GATA3: variants seen among roughly 807,000 people sequenced by gnomAD.
The protein encoded by GATA3 is GATA binding protein 3.
A neutral mutation model predicts 36.0 loss-of-function variants in GATA3; 6 were observed. That is an observed-to-expected ratio of 0.17 (90% CI 0.09 to 0.33). The LOEUF (loss-of-function observed/expected upper bound fraction) is 0.33. Among genes scored for constraint, GATA3 ranks in the 10% least tolerant of loss-of-function variants. The probability of loss-of-function intolerance (pLI) is 1.00; values close to 1 mark genes in which losing one functional copy is unlikely to be tolerated. For missense variants in GATA3, 514 were observed against 610.1 expected, an observed-to-expected ratio of 0.84 and a Z score of 1.66; for synonymous variants, 326 against 273.0, an observed-to-expected ratio of 1.19 and a Z score of -1.92.
chr10:8,068,572 T>TA (rs1832881946), intron 4 of GATA3, among the ~76,000 whole-genome samples: 1 of 152,112 alleles, frequency 6.6e-6, no homozygotes, highest in Non-Finnish European at 1.5e-5. Flanking sequence ...GCCAACATAG[T>TA]AAAACCCTGT....
In GATA3 at chr10:8,055,830, C is replaced by T. The variant is rs1832624968; in HGVS notation, c.175C>T (p.His59Tyr). 6.3e-6 allele frequency: 10 copies of T among 1,587,720 alleles called. No individual in the cohort carries two copies. The highest frequency in any genetic ancestry group is 8.6e-6 in the Non-Finnish European group (10 of 1,166,928). Residue 59 changes from histidine to tyrosine, a missense_variant, in exon 2 of 6, where the codon CAC becomes TAC. By Grantham distance (83) the His-to-Tyr change is moderately conservative (BLOSUM62 2). Around this residue, in one of 3 missense-constraint regions of GATA3, gnomAD observed 381 missense variants for 354.3 expected, o/e 1.08. Coordinates refer to ENST00000379328, the MANE Select transcript of GATA3 (RefSeq NM_001002295.2). This position sits in a 1 kb window ranked among gnomAD's most constrained non-coding sequence, Gnocchi z 5.4. The stretch of plus-strand genomic sequence containing the variant: ...TTTTAACATCGACGGTCAAGGCAAC[C>T]ACGTCCCGCCCTACTACGGAAACTC... The part of the protein sequence containing the change: ...VLFNIDGQGN[H>Y]VPPYYGNSVR...
At chr10:8,048,843 A>C (rs1352102205), upstream of GATA3, among the ~76,000 whole-genome samples, 1 of 149,864 alleles carries the variant, frequency 6.7e-6, no homozygotes, top group African/African-American at 2.5e-5. Context: ...ACCCCTACCT[A>C]CCCAATTTTT....
At chr10:8,073,144 C>CAAAAAAA (rs11335485) in intron 5 of GATA3, among the ~76,000 whole-genome samples, 1 of 69,978 alleles carries the variant, frequency 1.4e-5, no homozygotes, top group Non-Finnish European at 2.5e-5. Flanking sequence ...GACTTCGTCT[C>CAAAAAAA]AAAAAAAAAA....
intron 1 of GATA3, among the ~76,000 whole-genome samples, chr10:8,046,752 T>G (rs553429242): frequency 2.0e-5 from 3 of 151,558 alleles, no homozygotes; most frequent in African/African-American, 7.3e-5. Flanking sequence ...TTCTACCCAT[T>G]TGAACCCAGT....
chr10:8,054,545 G>C (rs11567883), upstream of GATA3: 1 of 152,086 alleles, frequency 6.6e-6, no homozygotes, highest in Non-Finnish European at 1.5e-5. The surrounding 1 kb of genome is among the most constrained non-coding windows in gnomAD (Gnocchi z 4.2). Context: ...GCGCGGGGCG[G>C]GGGGAGAAGT....
At chr10:8,053,890 C>T (rs1419478787), upstream of GATA3, 2 of 152,476 alleles carry the variant, frequency 1.3e-5, no homozygotes, top group Admixed American at 1.3e-4. This position sits in a 1 kb window ranked among gnomAD's most constrained non-coding sequence, Gnocchi z 5.1. Context: ...TAGAGCCAGT[C>T]TCTTCCTCCC....
intron 1 of GATA3, among the ~76,000 whole-genome samples, chr10:8,046,965 T>A (rs1246858828): frequency 6.6e-6 from 1 of 152,112 alleles, no homozygotes; most frequent in Non-Finnish European, 1.5e-5. Context: ...GGGCCCATCC[T>A]CCACTCTGCA....
intron 1 of GATA3, among the ~76,000 whole-genome samples, chr10:8,046,380 C>T (rs1384017394): frequency 6.6e-6 from 1 of 152,162 alleles, no homozygotes; most frequent in Non-Finnish European, 1.5e-5. Flanking sequence ...GGGGAAAGTG[C>T]GGCATCTCCC....
In GATA3 at chr10:8,055,830, C is replaced by A; in HGVS notation, c.175C>A (p.His59Asn). ...VLFNIDGQGN[H>N]VPPYYGNSVR... Reference sequence around the variant, plus strand: ...TTTTAACATCGACGGTCAAGGCAACCACGTCCCGCCCTACTACGGAAACTC... The same window carrying A: ...TTTTAACATCGACGGTCAAGGCAACAACGTCCCGCCCTACTACGGAAACTC... The change falls in exon 2 of 6, where the codon CAC becomes AAC. Residue 59 changes from histidine to asparagine, a missense_variant. His to Asn is a moderately conservative substitution (Grantham distance 68). Coordinates refer to ENST00000379328, the MANE Select transcript of GATA3 (RefSeq NM_001002295.2). This position sits in a 1 kb window ranked among gnomAD's most constrained non-coding sequence, Gnocchi z 5.4. The A allele has an allele frequency of 6.3e-7, 1 of 1,587,838 alleles. No individual in the cohort carries two copies. The highest frequency in any genetic ancestry group is 2.3e-5 in the East Asian group (1 of 43,464).
In GATA3 at chr10:8,055,910, G is replaced by T; in HGVS notation, c.241+14G>T. The T allele has an allele frequency of 1.3e-6, 2 of 1,552,294 alleles. No individual in the cohort carries two copies. Among genetic ancestry groups the T allele is most frequent in the African/African-American group, 2.7e-5 (2 of 73,266 alleles). ...CGACCCACCACGGTGAGTGCGCCCG[G>T]GGTGCCGGGGCTCCCGCCGGCCGCT... On this transcript the variant is annotated intron_variant, in intron 2 of 5. Coordinates refer to ENST00000379328, the MANE Select transcript of GATA3 (RefSeq NM_001002295.2). This position sits in a 1 kb window ranked among gnomAD's most constrained non-coding sequence, Gnocchi z 5.4.
rs1832616411 is a variant in GATA3, at chr10:8,055,601, C to T, written c.-55C>T. The T allele has an allele frequency of 3.3e-6, 5 of 1,533,916 alleles. No individual in the cohort carries two copies. The highest frequency in any genetic ancestry group is 3.5e-6 in the Non-Finnish European group (4 of 1,144,252). On this transcript the variant is annotated 5_prime_UTR_variant, in exon 2 of 6. Transcript: ENST00000379328. This position sits in a 1 kb window ranked among gnomAD's most constrained non-coding sequence, Gnocchi z 5.4. ...CCGACCTCCCAGGCGGACCGCCCTCCCTCCCCGCGCGCGGGTTCCGGGCCC... is the reference window on the plus strand; with the variant it reads ...CCGACCTCCCAGGCGGACCGCCCTCTCTCCCCGCGCGCGGGTTCCGGGCCC...
intron 5 of GATA3, among the ~76,000 whole-genome samples, chr10:8,070,777 G>T (rs922178682): frequency 6.6e-6 from 1 of 152,104 alleles, no homozygotes; most frequent in Non-Finnish European, 1.5e-5. Context: ...AGCCCTGTAC[G>T]CTCATTCCCT....
At chr10:8,048,961 C>T (rs1316708219), upstream of GATA3, among the ~76,000 whole-genome samples, 1 of 100,704 alleles carries the variant, frequency 9.9e-6, no homozygotes, top group African/African-American at 3.7e-5. Flanking sequence ...GGGCGGAGTG[C>T]GGGGGCGGGG....
At chr10:8,070,059 G>A (rs766231754) in intron 5 of GATA3, among the ~76,000 whole-genome samples, 3 of 152,138 alleles carry the variant, frequency 2.0e-5, no homozygotes, top group Non-Finnish European at 4.4e-5. Flanking sequence ...GTTACTGAGA[G>A]GTAAAAAGTC....
chr10:8,065,580 T>A (rs1832823426), intron 4 of GATA3, among the ~76,000 whole-genome samples: 1 of 152,040 alleles, frequency 6.6e-6, no homozygotes, highest in African/African-American at 2.4e-5. Context: ...TTTCTAGGGA[T>A]GGAAATGTCC....
At position 8,074,899 on chromosome 10, in the gene GATA3, G is replaced by GT; in HGVS notation, c.*878dup. The GT allele has an allele frequency of 4.3e-6, 1 of 233,710 alleles. No homozygotes were observed. Among genetic ancestry groups the GT allele is most frequent in the Non-Finnish European group, 8.5e-6 (1 of 118,068 alleles). The allele number at this position is 233,710 out of a possible 1,614,324, so 14.5% of individuals were successfully genotyped here. A position where few individuals can be genotyped will look rare whatever the true frequency, so the allele number is the denominator to read the frequency against. On this transcript the variant is annotated 3_prime_UTR_variant, in exon 6 of 6. Transcript: ENST00000379328. ...GATTACATTCAGTTGGCCTAAGGTG[G>GT]TTGTGCTCGGAGGGTTTCTTGTTTC...
intron 4 of GATA3, among the ~76,000 whole-genome samples, chr10:8,064,475 A>G (rs955986112): frequency 2.0e-5 from 3 of 152,154 alleles, no homozygotes; most frequent in Non-Finnish European, 4.4e-5. Context: ...GAACAGGACC[A>G]GAGCAGCTGG....
At chr10:8,052,519 C>A (rs1316060571), upstream of GATA3, 1 of 152,240 alleles carries the variant, frequency 6.6e-6, no homozygotes, top group African/African-American at 2.4e-5. Flanking sequence ...GGTCTCCGCG[C>A]GCAGAACCCA....
At chr10:8,054,536 C>A (rs1046298931), upstream of GATA3, 1 of 151,954 alleles carries the variant, frequency 6.6e-6, no homozygotes, top group African/African-American at 2.4e-5. The surrounding 1 kb of genome is among the most constrained non-coding windows in gnomAD (Gnocchi z 4.2). Flanking sequence ...GGCGGGGGTG[C>A]GCGGGGCGGG....
Sources: gnomAD v4.1 joint callset for allele counts (sites outside exome capture counted in the v4.1 genomes callset) on GRCh38, gnomAD v4.1.1 for gene constraint, gnomAD v4.1.1 regional missense constraint, Gnocchi (gnomAD v3.1) non-coding constraint, MANE v1.5 for transcripts, NCBI Gene and HGNC (gene_info 2026-07-23, HGNC 2026-07-21) for gene names.